NYAP2: variants seen among roughly 807,000 people sequenced by gnomAD.
NYAP2 encodes neuronal tyrosine-phosphorylated phosphoinositide-3-kinase adaptor 2, also known as neuronal tyrosine-phosphorylated phosphoinositide-3-kinase adapter 2.
NYAP2 carries 23 observed loss-of-function variants against 50.4 expected under a neutral mutation model. The observed-to-expected ratio is 0.46, with a 90% confidence interval of 0.33 to 0.65. The LOEUF (loss-of-function observed/expected upper bound fraction) is 0.65, where lower values mean the gene tolerates loss of function less well. Among genes scored for constraint, NYAP2 ranks in the 30% least tolerant of loss-of-function variants. The probability of loss-of-function intolerance (pLI) is 0.02; values close to 1 mark genes in which losing one functional copy is unlikely to be tolerated. For synonymous variants in NYAP2, 394 were observed against 365.2 expected (o/e 1.08, Z -0.90); for missense variants, 885 against 861.0 (o/e 1.03, Z -0.35).
intron 3 of NYAP2, among the ~76,000 whole-genome samples, chr2:225,499,905 A>G (rs1166531265): frequency 2.0e-5 from 3 of 152,200 alleles, no homozygotes; most frequent in South Asian, 2.1e-4. Flanking sequence ...AATACAAGAG[A>G]TGAAGCAGGA....
chr2:225,449,371 A>T (rs1689612360), intron 3 of NYAP2, among the ~76,000 whole-genome samples: 1 of 152,214 alleles, frequency 6.6e-6, no homozygotes, highest in Non-Finnish European at 1.5e-5. Context: ...TTATAATGTG[A>T]TAGATATGAA....
chr2:225,558,125 T>TAACA (rs1344037168), intron 4 of NYAP2, among the ~76,000 whole-genome samples: 2 of 152,152 alleles, frequency 1.3e-5, no homozygotes, highest in Admixed American at 6.6e-5. Context: ...ATCTGTCAAC[T>TAACA]AACATTCAAG....
At chr2:225,463,483 A>G (rs1294516036) in intron 3 of NYAP2, among the ~76,000 whole-genome samples, 1 of 152,252 alleles carries the variant, frequency 6.6e-6, no homozygotes, top group Non-Finnish European at 1.5e-5. Flanking sequence ...AAAATGTATT[A>G]TTCAACTCTG....
intron 3 of NYAP2, among the ~76,000 whole-genome samples, chr2:225,426,717 A>G (rs1206549707): frequency 6.6e-6 from 1 of 152,198 alleles, no homozygotes; most frequent in Non-Finnish European, 1.5e-5. Flanking sequence ...GCGAAGAGAT[A>G]ACATATTAGT....
chr2:225,427,956 C>T (rs1000154238), intron 3 of NYAP2, among the ~76,000 whole-genome samples: 2 of 152,124 alleles, frequency 1.3e-5, no homozygotes, highest in African/African-American at 4.8e-5. Context: ...TCCTAAGAGT[C>T]CCCATACCAG....
At chr2:225,452,087 A>T (rs1473653838) in intron 3 of NYAP2, among the ~76,000 whole-genome samples, 2 of 152,216 alleles carry the variant, frequency 1.3e-5, no homozygotes, top group Non-Finnish European at 2.9e-5. Context: ...GAATTGTTCC[A>T]GTTGAGGGGA....
chr2:225,474,484 G>C (rs13417808), intron 3 of NYAP2, among the ~76,000 whole-genome samples: 11 of 152,028 alleles, frequency 7.2e-5, no homozygotes, highest in East Asian at 3.9e-4. Context: ...CTTTTATTTC[G>C]TTGAGCAGTG....
chr2:225,431,157 G>A (rs1038521205), intron 3 of NYAP2, among the ~76,000 whole-genome samples: 2 of 152,080 alleles, frequency 1.3e-5, no homozygotes, highest in East Asian at 1.9e-4. Flanking sequence ...TCTATTTCTT[G>A]AAAATTATGA....
intron 5 of NYAP2, among the ~76,000 whole-genome samples, chr2:225,586,553 T>G (rs1431082): frequency 0.57 from 86,140 of 152,032 alleles, 26,431 homozygotes; most frequent in South Asian, 0.7. Context: ...TGCTAAAAAT[T>G]TTTGTGTAAA....
At chr2:225,584,979 A>G (rs759032928) in intron 5 of NYAP2, among the ~76,000 whole-genome samples, 5 of 152,220 alleles carry the variant, frequency 3.3e-5, no homozygotes, top group Non-Finnish European at 7.3e-5. Flanking sequence ...GGTGTTACTG[A>G]CATCTATTGG....
intron 3 of NYAP2, among the ~76,000 whole-genome samples, chr2:225,495,559 ATTTG>A (rs1381754330): frequency 6.6e-6 from 1 of 152,070 alleles, no homozygotes; most frequent in African/African-American, 2.4e-5. Context: ...GGGAGAGATA[ATTTG>A]TTTTTTTGTT....
chr2:225,649,131 G>A (rs115837770), intron 6 of NYAP2, among the ~76,000 whole-genome samples: 2,976 of 152,198 alleles, frequency 0.02, 112 homozygotes, highest in African/African-American at 0.068. Flanking sequence ...GGGGGTGAGA[G>A]CTAGCATTCA....
At chr2:225,529,198 T>A (rs1025994472) in intron 4 of NYAP2, among the ~76,000 whole-genome samples, 1 of 152,196 alleles carries the variant, frequency 6.6e-6, no homozygotes, top group Non-Finnish European at 1.5e-5. Context: ...CATCAAATGT[T>A]TTACCTTTCC....
At chr2:225,622,560 TTTC>T (rs1320430207) in intron 5 of NYAP2, among the ~76,000 whole-genome samples, 1 of 19,772 alleles carries the variant, frequency 5.1e-5, no homozygotes. Context: ...TTTCTTTCTT[TTTC>T]TTTCTTTCTT....
chr2:225,404,776 T>C (rs1244384890), intron 2 of NYAP2, among the ~76,000 whole-genome samples: 3 of 151,974 alleles, frequency 2.0e-5, no homozygotes, highest in Admixed American at 6.6e-5. Context: ...ATTAGAATGG[T>C]GATGATTCTA....
chr2:225,613,833 G>A (rs970050237), intron 5 of NYAP2, among the ~76,000 whole-genome samples: 4 of 152,020 alleles, frequency 2.6e-5, no homozygotes, highest in Non-Finnish European at 5.9e-5. Flanking sequence ...ATTGGGGGAA[G>A]GTAGTAGAAA....
At chr2:225,486,163 C>T (rs950426642) in intron 3 of NYAP2, among the ~76,000 whole-genome samples, 2 of 152,168 alleles carry the variant, frequency 1.3e-5, no homozygotes, top group African/African-American at 2.4e-5. Context: ...ACCAAGCCTT[C>T]CTTCTCCTGG....
chr2:225,556,665 C>G (rs1050117555), intron 4 of NYAP2, among the ~76,000 whole-genome samples: 2 of 152,168 alleles, frequency 1.3e-5, no homozygotes, highest in Non-Finnish European at 2.9e-5. Context: ...ATGGCTCCCC[C>G]TGGGTGCAAT....
chr2:225,514,157 T>G (rs959190371), intron 4 of NYAP2, among the ~76,000 whole-genome samples: 1 of 152,220 alleles, frequency 6.6e-6, no homozygotes, highest in Non-Finnish European at 1.5e-5. Flanking sequence ...CTCCTTAATA[T>G]CTCCAATTTT....
Sources: gnomAD v4.1 joint callset for allele counts (sites outside exome capture counted in the v4.1 genomes callset) on GRCh38, gnomAD v4.1.1 for gene constraint, MANE v1.5 for transcripts, NCBI Gene and HGNC (gene_info 2026-07-23, HGNC 2026-07-21) for gene names.